The following TENT5D variants were observed in gnomAD, a reference collection of about 807,000 sequenced individuals.
The protein encoded by TENT5D is cancer/testis antigen 112.
For missense variants in TENT5D, 191 were observed against 287.0 expected (o/e 0.67, Z 2.42); for synonymous variants, 103 against 100.6 (o/e 1.02, Z -0.15).
chrX:80,346,121 G>A (rs1166908222), intron 3 of TENT5D, among the ~76,000 whole-genome samples: 1 of 111,925 alleles, frequency 8.9e-6, no homozygotes, highest in African/African-American at 3.2e-5. Context: ...GAATCATACA[G>A]CATGTAATGT....
chrX:80,409,686 G>C (rs1305232354), intron 3 of TENT5D, among the ~76,000 whole-genome samples: 1 of 110,537 alleles, frequency 9.0e-6, no homozygotes, highest in Non-Finnish European at 1.9e-5. Flanking sequence ...GTAACTTACA[G>C]ATTCAATGCC....
intron 1 of TENT5D, among the ~76,000 whole-genome samples, chrX:80,431,824 T>A (rs147635546): frequency 0.013 from 1,447 of 111,558 alleles, 27 homozygotes; most frequent in African/African-American, 0.044. Flanking sequence ...ATATCAACTT[T>A]TTCATAGAAA....
At chrX:80,377,322 G>A (rs1475297352) in intron 3 of TENT5D, among the ~76,000 whole-genome samples, 1 of 111,119 alleles carries the variant, frequency 9.0e-6, no homozygotes, top group Non-Finnish European at 1.9e-5. Flanking sequence ...TGCCATGTTG[G>A]TTTGCTGCAC....
upstream of TENT5D, among the ~76,000 whole-genome samples, chrX:80,416,261 A>ATTTTTTTTT (rs57550532): frequency 1.6e-5 from 1 of 61,460 alleles, no homozygotes; most frequent in Non-Finnish European, 3.2e-5. Flanking sequence ...GATATTTTGA[A>ATTTTTTTTT]TTTTTTTTTT....
At chrX:80,414,194 A>G (rs1931724437) in intron 3 of TENT5D, among the ~76,000 whole-genome samples, 1 of 111,860 alleles carries the variant, frequency 8.9e-6, no homozygotes, top group Non-Finnish European at 1.9e-5. Context: ...TAAAACTCCA[A>G]AAAGAAGGAG....
Position 80,414,594 on chromosome X carries a change from T to C in TENT5D, c.-141-24016T>C, listed in dbSNP as rs192205533. On this transcript the variant is annotated intron_variant, in intron 3 of 4. Transcript: ENST00000538312. ...GTGTAAGACTTACATTGGTTCAGTCTTGTAAGGTGGGACAACTCAAAGTAG... is the reference window on the plus strand; with the variant it reads ...GTGTAAGACTTACATTGGTTCAGTCCTGTAAGGTGGGACAACTCAAAGTAG... Among the ~76,000 whole-genome samples, 545 of 112,249 alleles carry C rather than the reference T, an allele frequency of 4.9e-3. 1 individual carries two copies. The highest frequency in any genetic ancestry group is 9.2e-3 in the Middle Eastern group (2 of 217).
chrX:80,357,969 A>G (rs1930323316), intron 3 of TENT5D, among the ~76,000 whole-genome samples: 1 of 111,667 alleles, frequency 9.0e-6, no homozygotes, highest in Non-Finnish European at 1.9e-5. Flanking sequence ...AAACAGAGAT[A>G]TAGACCAATG....
chrX:80,423,878 G>T (rs1165330279), intron 1 of TENT5D, among the ~76,000 whole-genome samples: 1 of 110,903 alleles, frequency 9.0e-6, no homozygotes, highest in Non-Finnish European at 1.9e-5. Flanking sequence ...TAGGCACAAA[G>T]AACAAAGGTT....
rs57668283 is a variant in TENT5D, at chrX:80,424,078, C to T, written c.-142+3515C>T. Among the ~76,000 whole-genome samples, 523 of 110,333 alleles carry T rather than the reference C, an allele frequency of 4.7e-3. 7 individuals carry two copies. The highest frequency in any genetic ancestry group is 0.016 in the African/African-American group (488 of 30,280). On this transcript the variant is annotated intron_variant, in intron 1 of 2. Transcript: ENST00000308293. ...CCTAACTGCTGTTAGGGAGATTAAG[C>T]GTTGATTTTTTTTTTTTAGCTACTT...
At chrX:80,348,941 T>C (rs1930120184) in intron 3 of TENT5D, among the ~76,000 whole-genome samples, 1 of 112,387 alleles carries the variant, frequency 8.9e-6, no homozygotes, top group African/African-American at 3.2e-5. Flanking sequence ...TCATTGGTTC[T>C]GTTTATGTGT....
chrX:80,410,483 A>T (rs1237887493), intron 3 of TENT5D, among the ~76,000 whole-genome samples: 329 of 87,780 alleles, frequency 3.7e-3, no homozygotes, highest in African/African-American at 0.015. Flanking sequence ...GCCAAAAAAC[A>T]CATGAAAAAA....
At chrX:80,359,778 A>G (rs191353515) in intron 3 of TENT5D, among the ~76,000 whole-genome samples, 2 of 111,683 alleles carry the variant, frequency 1.8e-5, no homozygotes, top group African/African-American at 6.5e-5. Flanking sequence ...TAGAACTTAA[A>G]CTATATTTTA....
exon 3 of TENT5D, chrX:80,443,276 G>A: frequency 8.3e-7 from 1 of 1,211,104 alleles, no homozygotes; most frequent in Non-Finnish European, 1.1e-6. Context: ...CTGGTTCATG[G>A]CTTCAAGCCA....
At chrX:80,409,629 C>T (rs1179781989) in intron 3 of TENT5D, among the ~76,000 whole-genome samples, 7 of 111,540 alleles carry the variant, frequency 6.3e-5, no homozygotes, top group African/African-American at 2.3e-4. Flanking sequence ...ATTCCATGCT[C>T]ATGGGTGGGA....
In TENT5D at chrX:80,345,112, C is replaced by A. The variant is rs1930033639; in HGVS notation, c.-142+2548C>A. Among the ~76,000 whole-genome samples, 4 of 112,007 alleles carry A rather than the reference C, an allele frequency of 3.6e-5. No individual in the cohort carries two copies. The South Asian group carries it at 1.5e-3, about 42-fold the overall frequency. On this transcript the variant is annotated intron_variant, in intron 3 of 4. Transcript: ENST00000538312. The stretch of plus-strand genomic sequence containing the variant: ...TAGTGACAGTTTAAGAAACTAGCTG[C>A]TTCCTCAAAGAATGGTCAGAAAAGT...
At chrX:80,390,220 G>C (rs1425427750) in intron 3 of TENT5D, among the ~76,000 whole-genome samples, 1 of 111,688 alleles carries the variant, frequency 9.0e-6, no homozygotes, top group Non-Finnish European at 1.9e-5. Context: ...AGATAAGAAT[G>C]AGAACTGGGG....
chrX:80,361,309 A>G (rs1930401569), intron 3 of TENT5D, among the ~76,000 whole-genome samples: 2 of 112,128 alleles, frequency 1.8e-5, no homozygotes, highest in Admixed American at 1.9e-4. Context: ...GGAAAAGGAA[A>G]GGTCCAGAAA....
chrX:80,397,435 C>T (rs1365408341), intron 3 of TENT5D, among the ~76,000 whole-genome samples: 2 of 107,215 alleles, frequency 1.9e-5, no homozygotes, highest in African/African-American at 6.8e-5. Flanking sequence ...AGACGCTCCT[C>T]ACTTTCCAGA....
Position 80,411,830 on chromosome X carries a change from G to A in TENT5D, c.-141-26780G>A, listed in dbSNP as rs185795417. On this transcript the variant is annotated intron_variant, in intron 3 of 4. Coordinates refer to the TENT5D transcript ENST00000538312. Reference sequence around the variant, plus strand: ...CTAATTAATTATTAATTGGCTTTGAGAGTCTACGGCTTTTCGAGGCACATG... The same window carrying A: ...CTAATTAATTATTAATTGGCTTTGAAAGTCTACGGCTTTTCGAGGCACATG... 3.9e-3 allele frequency among the ~76,000 whole-genome samples: 432 copies of A among 112,008 alleles called. 3 individuals are homozygous for A. The highest frequency in any genetic ancestry group is 7.3e-3 in the Admixed American group (77 of 10,576).
Sources: gnomAD v4.1 joint callset for allele counts (sites outside exome capture counted in the v4.1 genomes callset) on GRCh38, gnomAD v4.1.1 for gene constraint, MANE v1.5 for transcripts, NCBI Gene and HGNC (gene_info 2026-07-23, HGNC 2026-07-21) for gene names.